CCNB3: variants seen among roughly 807,000 people sequenced by gnomAD.
The protein encoded by CCNB3 is G2/mitotic-specific cyclin-B3.
Under a neutral mutation model 68.0 loss-of-function variants are expected in CCNB3, and 12 were observed. The ratio of observed to expected loss-of-function variants is 0.18; its 90% confidence interval spans 0.11 to 0.29. The LOEUF (loss-of-function observed/expected upper bound fraction) is 0.29, where lower values mean the gene tolerates loss of function less well. Ranked by LOEUF, CCNB3 falls within the 10% of genes least tolerant of loss-of-function variation. The probability of loss-of-function intolerance (pLI) is 1.00; values close to 1 mark genes in which losing one functional copy is unlikely to be tolerated. For synonymous variants in CCNB3, 354 were observed against 388.9 expected (o/e 0.91, Z 1.06); for missense variants, 904 against 993.1 (o/e 0.91, Z 1.21).
intron 5 of CCNB3, 90 bp downstream of exon 5, chrX:50,295,083 A>C (rs1557210692): frequency 1.1e-6 from 1 of 944,773 alleles, no homozygotes; most frequent in African/African-American, 1.9e-5. Context: ...TTAGCAAGCC[A>C]CAATGGTGAC....
intron 8 of CCNB3, among the ~76,000 whole-genome samples, chrX:50,320,040 A>G (rs781934634): frequency 9.0e-6 from 1 of 111,130 alleles, no homozygotes; most frequent in East Asian, 2.8e-4. Flanking sequence ...TTTTACATCT[A>G]TGTTTATGAT....
chrX:50,225,625 C>A (rs1294799437), intron 1 of CCNB3, among the ~76,000 whole-genome samples: 1 of 110,138 alleles, frequency 9.1e-6, no homozygotes, highest in African/African-American at 3.3e-5. Context: ...GATGGAGATA[C>A]ATTGACAAAT....
chrX:50,227,104 C>T (rs1345470418), intron 1 of CCNB3, among the ~76,000 whole-genome samples: 1 of 72,781 alleles, frequency 1.4e-5, no homozygotes, highest in African/African-American at 5.7e-5. Context: ...ATAGAATATA[C>T]ATACAAATAT....
rs782391260 is a variant in CCNB3, at chrX:50,308,839, A to G, written c.670A>G (p.Ile224Val). The G allele has an allele frequency of 1.4e-5, 17 of 1,209,856 alleles. No individual in the cohort carries two copies. The East Asian group carries it at 2.7e-4, about 19-fold the overall frequency. ...GACACATAAAACTGAGGAGGCAGCC[A>G]TCACCAAGAAGACATTATCCTTAAA... ...KKTHKTEEAA[I>V]TKKTLSLKKK... Residue 224 changes from isoleucine to valine, a missense_variant, in exon 6 of 13, where the codon ATC becomes GTC. Physicochemically the swap from Ile to Val is conservative, Grantham distance 29. Transcript: ENST00000376042.
chrX:50,346,521 G>C, intron 9 of CCNB3, 131 bp from the exon 10 acceptor site: 1 of 662,195 alleles, frequency 1.5e-6, no homozygotes, highest in Non-Finnish European at 2.3e-6. Flanking sequence ...TCAACCAGAA[G>C]CTGAGTCTCA....
At chrX:50,211,321 G>GA (rs1160397619) in intron 1 of CCNB3, among the ~76,000 whole-genome samples, 2 of 110,867 alleles carry the variant, frequency 1.8e-5, no homozygotes, top group African/African-American at 6.6e-5. Flanking sequence ...ATTATTTCGT[G>GA]AAAAAATCTT....
intron 1 of CCNB3, among the ~76,000 whole-genome samples, chrX:50,227,421 A>C (rs2146999626): frequency 1.1e-5 from 1 of 88,396 alleles, no homozygotes; most frequent in Admixed American, 1.6e-4. Flanking sequence ...GAGAATATTT[A>C]TAAATATATA....
intron 8 of CCNB3, among the ~76,000 whole-genome samples, chrX:50,315,573 G>A (rs900751734): frequency 9.0e-6 from 1 of 111,656 alleles, no homozygotes; most frequent in South Asian, 3.8e-4. Flanking sequence ...ATAATCCACA[G>A]ACCTTGTTTA....
chrX:50,292,892 A>G (rs1427566090), intron 4 of CCNB3, among the ~76,000 whole-genome samples: 1 of 111,515 alleles, frequency 9.0e-6, no homozygotes, highest in Non-Finnish European at 1.9e-5. Context: ...CCCTGGAGTC[A>G]AACATTTCTC....
chrX:50,345,800 A>G (rs1244897046), intron 9 of CCNB3, among the ~76,000 whole-genome samples: 1 of 112,031 alleles, frequency 8.9e-6, no homozygotes, highest in Non-Finnish European at 1.9e-5. Flanking sequence ...TGGTGTTGCC[A>G]CTAGCTTGCC....
chrX:50,225,049 G>A (rs1325470593), intron 1 of CCNB3, among the ~76,000 whole-genome samples: 2 of 111,431 alleles, frequency 1.8e-5, no homozygotes, highest in African/African-American at 3.2e-5. Context: ...ATGGTCCTAC[G>A]TTTTATGAAC....
intron 1 of CCNB3, among the ~76,000 whole-genome samples, chrX:50,205,445 G>GA (rs1194136332): frequency 1.8e-4 from 19 of 105,308 alleles, no homozygotes; most frequent in East Asian, 8.9e-4. Context: ...TGTCTCAAAA[G>GA]AAAAAAAAAA....
At chrX:50,227,384 A>G (rs966267098) in intron 1 of CCNB3, among the ~76,000 whole-genome samples, 3 of 84,636 alleles carry the variant, frequency 3.5e-5, no homozygotes, top group Non-Finnish European at 6.5e-5. Flanking sequence ...ATAAATATAT[A>G]CATAGATATA....
intron 1 of CCNB3, among the ~76,000 whole-genome samples, chrX:50,205,393 A>G (rs1162000880): frequency 3.6e-5 from 4 of 111,954 alleles, no homozygotes; most frequent in African/African-American, 9.7e-5. Context: ...GTGAGCCAAG[A>G]TGGTGCCACT....
rs1189537832 is a variant in CCNB3, at chrX:50,219,172, C to A, written c.-113+14222C>A. ...TTCTTTGTAGATTCTGGATATTAGC[C>A]CTTTGTCAGATGGATAGATTGCAAA... On this transcript the variant is annotated intron_variant, in intron 1 of 12. Coordinates refer to ENST00000376042, the MANE Select transcript of CCNB3 (RefSeq NM_033031.3). Among the ~76,000 whole-genome samples, 4 of 110,883 alleles carry A rather than the reference C, an allele frequency of 3.6e-5. No homozygotes were observed. In the South Asian group the frequency reaches 1.1e-3, roughly 32 times the overall value.
chrX:50,337,713 G>A (rs782377989), intron 8 of CCNB3, among the ~76,000 whole-genome samples: 1 of 111,349 alleles, frequency 9.0e-6, no homozygotes, highest in East Asian at 2.8e-4. Flanking sequence ...CCTGACCTAT[G>A]TTTCCTTGAG....
intron 8 of CCNB3, among the ~76,000 whole-genome samples, chrX:50,318,514 A>AAAC (rs1188293785): frequency 5.4e-5 from 6 of 111,728 alleles, no homozygotes; most frequent in Admixed American, 9.5e-5. Flanking sequence ...CTCCATCTCA[A>AAAC]AACAACAACA....
intron 4 of CCNB3, among the ~76,000 whole-genome samples, chrX:50,292,824 A>G (rs1343372982): frequency 2.7e-5 from 3 of 110,985 alleles, no homozygotes; most frequent in Non-Finnish European, 3.8e-5. Context: ...TTTTTTGAGC[A>G]TTTTCTTTCC....
chrX:50,282,122 C>G (rs904132720), intron 1 of CCNB3, among the ~76,000 whole-genome samples: 37 of 111,612 alleles, frequency 3.3e-4, no homozygotes, highest in African/African-American at 1.1e-3. Context: ...AAATTGCTAA[C>G]AAATTTCCAG....
Sources: gnomAD v4.1 joint callset for allele counts (sites outside exome capture counted in the v4.1 genomes callset) on GRCh38, gnomAD v4.1.1 for gene constraint, MANE v1.5 for transcripts, NCBI Gene and HGNC (gene_info 2026-07-23, HGNC 2026-07-21) for gene names.